Variants in SYT1 observed in about 807,000 individuals in gnomAD.
SYT1 encodes synaptotagmin-1.
In SYT1, 8 loss-of-function variants were observed where a neutral mutation model predicts 44.8. The observed-to-expected ratio is 0.18, with a 90% CI of 0.10 to 0.32. The LOEUF (loss-of-function observed/expected upper bound fraction) is 0.32, where lower values mean the gene tolerates loss of function less well. Ranked by LOEUF, SYT1 falls within the 10% of genes least tolerant of loss-of-function variation. The probability of loss-of-function intolerance (pLI) is 1.00; values close to 1 mark genes in which losing one functional copy is unlikely to be tolerated. For synonymous variants in SYT1, 154 were observed against 188.8 expected, an observed-to-expected ratio of 0.82 and a Z score of 1.51; for missense variants, 286 against 509.3, an observed-to-expected ratio of 0.56 and a Z score of 4.22.
chr12:78,891,481 A>G (rs1875047949), intron 1 of SYT1, among the ~76,000 whole-genome samples: 1 of 151,922 alleles, frequency 6.6e-6, no homozygotes, highest in Non-Finnish European at 1.5e-5. Context: ...TAAAAATGAA[A>G]TTGTTTCTAA....
At chr12:79,143,494 C>T (rs995705714) in intron 3 of SYT1, among the ~76,000 whole-genome samples, 1 of 152,146 alleles carries the variant, frequency 6.6e-6, no homozygotes, top group African/African-American at 2.4e-5. Flanking sequence ...AACTTTGAGT[C>T]ACAGCAGTGA....
chr12:79,242,303 G>C (rs1242834729), intron 4 of SYT1, among the ~76,000 whole-genome samples: 3 of 152,184 alleles, frequency 2.0e-5, no homozygotes, highest in Non-Finnish European at 4.4e-5. Context: ...TTAACAAGAA[G>C]AGGGTTATAG....
intron 2 of SYT1, among the ~76,000 whole-genome samples, chr12:79,040,242 G>T (rs1160486635): frequency 2.0e-5 from 3 of 150,756 alleles, no homozygotes; most frequent in Non-Finnish European, 4.5e-5. Context: ...CCCACCAACA[G>T]TGTAAAAGTG....
chr12:79,418,142 T>G (rs559075079), intron 9 of SYT1, among the ~76,000 whole-genome samples: 1 of 152,316 alleles, frequency 6.6e-6, no homozygotes, highest in African/African-American at 2.4e-5. Flanking sequence ...GGTCTGTCCC[T>G]GTAATCACTT....
chr12:79,363,580 A>AT (rs1461259252), intron 9 of SYT1, among the ~76,000 whole-genome samples: 125 of 151,598 alleles, frequency 8.2e-4, no homozygotes, highest in African/African-American at 2.7e-3. Flanking sequence ...ATTAAAAAAA[A>AT]AAAAAATAGC....
chr12:78,932,124 A>G (rs1047936346), intron 1 of SYT1, among the ~76,000 whole-genome samples: 1 of 152,214 alleles, frequency 6.6e-6, no homozygotes, highest in Non-Finnish European at 1.5e-5. Flanking sequence ...TATTGATGCA[A>G]TTGTGAGAGA....
chr12:79,328,320 G>A (rs1398902835), intron 8 of SYT1, among the ~76,000 whole-genome samples: 2 of 152,140 alleles, frequency 1.3e-5, no homozygotes, highest in African/African-American at 4.8e-5. Context: ...GAAATTACAG[G>A]AAGATGCACT....
intron 3 of SYT1, among the ~76,000 whole-genome samples, chr12:79,147,269 G>C (rs1462378729): frequency 6.6e-6 from 1 of 152,014 alleles, no homozygotes; most frequent in Non-Finnish European, 1.5e-5. Context: ...CCACCTCTTA[G>C]CTAATATAAT....
At chr12:79,171,439 ATTC>A (rs1205950016) in intron 3 of SYT1, among the ~76,000 whole-genome samples, 2 of 151,934 alleles carry the variant, frequency 1.3e-5, no homozygotes, top group African/African-American at 2.4e-5. Context: ...TAGGTATTTT[ATTC>A]TTTATGTGGC....
At chr12:79,340,294 G>A (rs78004399) in intron 8 of SYT1, among the ~76,000 whole-genome samples, 2 of 152,038 alleles carry the variant, frequency 1.3e-5, no homozygotes, top group African/African-American at 2.4e-5. Flanking sequence ...CATTCTTCCT[G>A]TCCATGAACA....
chr12:79,295,124 G>C (rs887783567), intron 6 of SYT1, among the ~76,000 whole-genome samples: 1 of 152,066 alleles, frequency 6.6e-6, no homozygotes, highest in African/African-American at 2.4e-5. Flanking sequence ...TGGTGTTACT[G>C]CATTTACAAA....
intron 2 of SYT1, among the ~76,000 whole-genome samples, chr12:78,980,986 T>C (rs1869207924): frequency 1.3e-5 from 2 of 151,946 alleles, no homozygotes; most frequent in African/African-American, 4.8e-5. Context: ...GGATCTCAAG[T>C]ATGAGTGGCC....
chr12:79,014,006 G>C (rs1406080186), intron 2 of SYT1, among the ~76,000 whole-genome samples: 1 of 141,076 alleles, frequency 7.1e-6, no homozygotes, highest in South Asian at 2.3e-4. Context: ...GGCGCCTGTA[G>C]TCCCAGTACT....
At chr12:79,400,827 G>A (rs1885041649) in intron 9 of SYT1, among the ~76,000 whole-genome samples, 1 of 152,146 alleles carries the variant, frequency 6.6e-6, no homozygotes, top group African/African-American at 2.4e-5. Flanking sequence ...GGTTTCCATG[G>A]AGTCCATCCA....
At chr12:79,285,754 G>T in intron 4 of SYT1, 33 bp from the exon 5 acceptor site, 1 of 1,508,876 alleles carries the variant, frequency 6.6e-7, no homozygotes, top group Non-Finnish European at 9.0e-7. Context: ...TCTAAGTGTT[G>T]TATGACTAGT....
intron 2 of SYT1, among the ~76,000 whole-genome samples, chr12:78,995,203 C>G (rs749579879): frequency 2.4e-4 from 36 of 152,180 alleles, no homozygotes; most frequent in Non-Finnish European, 4.6e-4. Context: ...GAAGTTTTAA[C>G]AAGAATCCCC....
At chr12:79,384,315 A>G (rs1593020043) in intron 9 of SYT1, among the ~76,000 whole-genome samples, 1 of 152,240 alleles carries the variant, frequency 6.6e-6, no homozygotes, top group African/African-American at 2.4e-5. Flanking sequence ...TACACAAAAT[A>G]TAAAAAATTT....
intron 9 of SYT1, among the ~76,000 whole-genome samples, chr12:79,372,221 A>G (rs1593009719): frequency 2.0e-5 from 3 of 152,286 alleles, no homozygotes; most frequent in Admixed American, 2.0e-4. Context: ...CGCCTAGCAC[A>G]TTGTAGGCCC....
chr12:79,308,629 AAAGAAAGAAAGAAAGAAAGAAAG>A (rs1880590404), intron 8 of SYT1, among the ~76,000 whole-genome samples: 1 of 69,784 alleles, frequency 1.4e-5, no homozygotes, highest in Non-Finnish European at 2.6e-5. Context: ...AGAAAGAAAG[AAAGAAAGAAAGAAAGAAAGAAAG>A]AAAGAAAAGA....
Sources: gnomAD v4.1 joint callset for allele counts (sites outside exome capture counted in the v4.1 genomes callset) on GRCh38, gnomAD v4.1.1 for gene constraint, MANE v1.5 for transcripts, NCBI Gene and HGNC (gene_info 2026-07-23, HGNC 2026-07-21) for gene names.